The following GLI3 variants were observed in gnomAD, a reference collection of about 807,000 sequenced individuals.
The protein encoded by GLI3 is transcription activator GLI3.
In GLI3, 20 loss-of-function variants were observed where a neutral mutation model predicts 100.8. That is an observed-to-expected ratio of 0.20 (90% CI 0.14 to 0.29). The LOEUF (loss-of-function observed/expected upper bound fraction) is 0.29, where lower values mean the gene tolerates loss of function less well. Ranked by LOEUF, GLI3 falls within the 10% of genes least tolerant of loss-of-function variation. The pLI, the probability that GLI3 is intolerant of heterozygous loss-of-function variation, is 1.00. For synonymous variants in GLI3, 938 were observed against 860.5 expected, an observed-to-expected ratio of 1.09 and a Z score of -1.58; for missense variants, 2,040 against 2,128.5, an observed-to-expected ratio of 0.96 and a Z score of 0.82.
Position 42,116,185 on chromosome 7 carries a change from G to A in GLI3, c.367+32041C>T, listed in dbSNP as rs546548863. Among the ~76,000 whole-genome samples, 44 of 152,250 alleles carry A rather than the reference G, an allele frequency of 2.9e-4. No individual in the cohort carries two copies. In the South Asian group the frequency reaches 8.7e-3, roughly 30 times the overall value. On this transcript the variant is annotated intron_variant, in intron 3 of 14. Coordinates refer to ENST00000395925, the MANE Select transcript of GLI3 (RefSeq NM_000168.6). ...ATGTATGAAAAATTCAAATTCAAAC[G>A]TGGAGAAGAGCAGTTTTATGGGACC...
chr7:42,201,325 G>C (rs906985221), intron 2 of GLI3, among the ~76,000 whole-genome samples: 1 of 152,082 alleles, frequency 6.6e-6, no homozygotes, highest in Non-Finnish European at 1.5e-5. Context: ...GGGTAAGGAG[G>C]GACTCCTGTA....
intron 3 of GLI3, among the ~76,000 whole-genome samples, chr7:42,109,434 G>A (rs950493378): frequency 6.6e-6 from 1 of 152,148 alleles, no homozygotes; most frequent in Non-Finnish European, 1.5e-5. Flanking sequence ...CTGATGTTTT[G>A]GCTGATATGC....
chr7:42,189,202 A>G (rs1345103913), intron 2 of GLI3, among the ~76,000 whole-genome samples: 1 of 152,238 alleles, frequency 6.6e-6, no homozygotes, highest in Non-Finnish European at 1.5e-5. Flanking sequence ...TTAAATAAGC[A>G]ACAATAAAGG....
At chr7:42,166,481 G>A (rs1281037998) in intron 2 of GLI3, among the ~76,000 whole-genome samples, 1 of 151,960 alleles carries the variant, frequency 6.6e-6, no homozygotes, top group African/African-American at 2.4e-5. Context: ...GGCCCCAGAG[G>A]GAATAACACT....
chr7:42,257,976 T>A (rs1789102306), intron 1 of GLI3, among the ~76,000 whole-genome samples: 1 of 152,222 alleles, frequency 6.6e-6, no homozygotes, highest in African/African-American at 2.4e-5. Context: ...GAGTTTTCTA[T>A]GTTCATGAGG....
At chr7:42,117,778 A>G (rs1244191632) in intron 3 of GLI3, among the ~76,000 whole-genome samples, 3 of 152,300 alleles carry the variant, frequency 2.0e-5, no homozygotes, top group Middle Eastern at 3.4e-3. Flanking sequence ...AGTTTAGATT[A>G]AAGTGATAAA....
At chr7:42,145,581 G>A in intron 3 of GLI3, 1 of 397,296 alleles carries the variant, frequency 2.5e-6, no homozygotes, top group Non-Finnish European at 4.4e-6. Flanking sequence ...AGAAGAAACT[G>A]GTCTCAGGCA....
intron 2 of GLI3, chr7:42,172,490 G>A: frequency 1.5e-6 from 1 of 685,570 alleles, no homozygotes; most frequent in African/African-American, 1.8e-5. Flanking sequence ...TGAATTAAAT[G>A]AATAAAGTGG....
intron 1 of GLI3, among the ~76,000 whole-genome samples, chr7:42,263,055 G>A (rs769449469): frequency 2.0e-5 from 3 of 152,024 alleles, no homozygotes; most frequent in Admixed American, 6.6e-5. Flanking sequence ...GTAATTATCC[G>A]AGGCATACAT....
chr7:42,239,331 C>T (rs1788899334), upstream of GLI3, among the ~76,000 whole-genome samples: 2 of 152,098 alleles, frequency 1.3e-5, no homozygotes, highest in African/African-American at 4.8e-5. Flanking sequence ...AGTGCCAGGT[C>T]GCGTACCTCC....
At chr7:42,156,241 C>T (rs192609064) in intron 2 of GLI3, among the ~76,000 whole-genome samples, 196 of 152,276 alleles carry the variant, frequency 1.3e-3, no homozygotes, top group African/African-American at 4.2e-3. Context: ...AAGCTCTTGC[C>T]AAGACTCTTT....
At chr7:42,168,100 G>A (rs1451760098) in intron 2 of GLI3, among the ~76,000 whole-genome samples, 5 of 152,132 alleles carry the variant, frequency 3.3e-5, no homozygotes, top group Admixed American at 2.0e-4. Context: ...TGATAAAGAA[G>A]AAAATAACAA....
At chr7:42,120,358 T>C (rs867579546) in intron 3 of GLI3, among the ~76,000 whole-genome samples, 1 of 152,184 alleles carries the variant, frequency 6.6e-6, no homozygotes, top group South Asian at 2.1e-4. Context: ...ATCTCTCTAA[T>C]ACGTTTCTGA....
intron 2 of GLI3, among the ~76,000 whole-genome samples, chr7:42,170,266 T>TTATA (rs148558582): frequency 4.9e-4 from 67 of 137,678 alleles, no homozygotes; most frequent in East Asian, 2.4e-3. Flanking sequence ...AAAAAAAAAA[T>TTATA]TATATATATA....
rs121917713 is a variant in GLI3, at chr7:42,040,198, G to A, written c.868C>T (p.Arg290Ter). The change falls in exon 7 of 15, where the codon CGA (arginine) becomes TGA (stop). Residue 290 changes from arginine (R) to a stop codon, truncating the protein, a stop_gained. Coordinates refer to ENST00000395925, the MANE Select transcript of GLI3 (RefSeq NM_000168.6). LOFTEE classifies it high-confidence loss of function. ...SSPRLSARPSRKRTLSISPLS... is the reference protein window; with the variant it reads ...SSPRLSARPS ...GGTGATATGGACAGTGTACGTTTTC[G>A]GCTCGGCCTGGCTGACAGCCTGGGG... is the stretch of plus-strand genomic sequence containing the variant. 6.2e-7 allele frequency: 1 copy of A among 1,613,978 alleles called. No homozygotes were observed. The highest frequency in any genetic ancestry group is 8.5e-7 in the Non-Finnish European group (1 of 1,179,900).
At chr7:42,055,254 A>G (rs1321841479) in intron 4 of GLI3, among the ~76,000 whole-genome samples, 2 of 151,958 alleles carry the variant, frequency 1.3e-5, no homozygotes, top group African/African-American at 4.8e-5. Context: ...ATGCAAGGTA[A>G]GCTTTCAGAT....
intron 3 of GLI3, among the ~76,000 whole-genome samples, chr7:42,098,274 C>T (rs1180377048): frequency 6.6e-6 from 1 of 152,150 alleles, no homozygotes; most frequent in East Asian, 1.9e-4. Context: ...TGTTTTTATC[C>T]CCATCTCTCT....
intron 3 of GLI3, among the ~76,000 whole-genome samples, chr7:42,117,721 T>C (rs1450670676): frequency 6.6e-6 from 1 of 152,224 alleles, no homozygotes; most frequent in Non-Finnish European, 1.5e-5. Context: ...AACCTCCTTC[T>C]AGCAAAGTGT....
At chr7:42,154,364 G>A (rs1162358977) in intron 2 of GLI3, among the ~76,000 whole-genome samples, 1 of 152,146 alleles carries the variant, frequency 6.6e-6, no homozygotes, top group Non-Finnish European at 1.5e-5. Context: ...GGCTTTGTGT[G>A]TTCCAGGCAT....
Sources: allele counts gnomAD v4.1 joint callset (sites outside exome capture counted in the v4.1 genomes callset), GRCh38; gene constraint gnomAD v4.1.1; transcripts MANE v1.5; gene names NCBI Gene and HGNC (gene_info 2026-07-23, HGNC 2026-07-21).